EPHB1: variants seen among roughly 807,000 people sequenced by gnomAD.
EPHB1 encodes EPH receptor B1, also known as ephrin type-B receptor 1.
EPHB1 carries 30 observed loss-of-function variants against 94.4 expected under a neutral mutation model. That is an observed-to-expected ratio of 0.32 (90% CI 0.24 to 0.43). The LOEUF (loss-of-function observed/expected upper bound fraction) is 0.43. Among genes scored for constraint, EPHB1 ranks in the 20% least tolerant of loss-of-function variants. EPHB1 has a pLI of 1.00. For missense variants in EPHB1, 1,055 were observed against 1,308.3 expected (o/e 0.81, Z 2.99); for synonymous variants, 522 against 489.1 (o/e 1.07, Z -0.89).
chr3:135,070,323 G>A (rs1157100376), intron 3 of EPHB1, among the ~76,000 whole-genome samples: 1 of 152,168 alleles, frequency 6.6e-6, no homozygotes, highest in Non-Finnish European at 1.5e-5. Flanking sequence ...TGACATTCAG[G>A]GCTGCCTGCA....
chr3:134,937,369 CT>C (rs1241335688), intron 2 of EPHB1, among the ~76,000 whole-genome samples: 1 of 152,262 alleles, frequency 6.6e-6, no homozygotes, highest in Middle Eastern at 3.4e-3. Context: ...CCAGATGTGG[CT>C]TTTTTTCACC....
chr3:134,964,867 G>A (rs879803291), intron 3 of EPHB1, among the ~76,000 whole-genome samples: 1 of 152,138 alleles, frequency 6.6e-6, no homozygotes, highest in Admixed American at 6.5e-5. Context: ...ATGAGTGAAT[G>A]GCTATTTCCA....
intron 3 of EPHB1, among the ~76,000 whole-genome samples, chr3:134,977,384 G>T (rs1934230031): frequency 6.6e-6 from 1 of 152,204 alleles, no homozygotes; most frequent in Non-Finnish European, 1.5e-5. Flanking sequence ...TCTCACTCTA[G>T]AGCCCATGCC....
intron 3 of EPHB1, among the ~76,000 whole-genome samples, chr3:135,091,698 T>C (rs539578953): frequency 1.3e-5 from 2 of 152,240 alleles, no homozygotes; most frequent in South Asian, 4.1e-4. Flanking sequence ...TCGTCAGAGT[T>C]TGGAGAGTAA....
At chr3:134,828,652 C>T (rs146830112) in intron 1 of EPHB1, among the ~76,000 whole-genome samples, 4 of 152,208 alleles carry the variant, frequency 2.6e-5, no homozygotes, top group East Asian at 3.9e-4. Context: ...TGCAGTTGGC[C>T]GGGAGTGACT....
intron 3 of EPHB1, among the ~76,000 whole-genome samples, chr3:135,056,213 G>A (rs1301733758): frequency 1.3e-5 from 2 of 152,214 alleles, no homozygotes; most frequent in Non-Finnish European, 2.9e-5. Flanking sequence ...TAGGGCTGGT[G>A]GCTACCACTG....
At chr3:134,801,499 C>T in intron 1 of EPHB1, among the ~76,000 whole-genome samples, 1 of 152,212 alleles carries the variant, frequency 6.6e-6, no homozygotes, top group East Asian at 1.9e-4. Flanking sequence ...CAGGAGTCTG[C>T]ATTCCTTGGA....
intron 5 of EPHB1, among the ~76,000 whole-genome samples, chr3:135,142,915 T>C (rs1282197126): frequency 2.6e-5 from 4 of 152,050 alleles, no homozygotes; most frequent in African/African-American, 9.7e-5. Context: ...CCAAATGGCA[T>C]TTTTGCAAAG....
rs1941368960 is a variant in EPHB1, at chr3:135,156,753, A to T, written c.1422+2477A>T. Among the ~76,000 whole-genome samples, 3 of 152,252 alleles carry T rather than the reference A, an allele frequency of 2.0e-5. No homozygotes were observed. The South Asian group carries it at 6.2e-4, about 31-fold the overall frequency. ...CCAGCTGAATTCATAAGCATCTGTT[A>T]TATCTGATCCATTTTGGATTTAGGG... On this transcript the variant is annotated intron_variant, in intron 6 of 15. Coordinates refer to ENST00000398015, the MANE Select transcript of EPHB1 (RefSeq NM_004441.5).
At chr3:135,064,026 A>G (rs1288093676) in intron 3 of EPHB1, among the ~76,000 whole-genome samples, 1 of 151,982 alleles carries the variant, frequency 6.6e-6, no homozygotes, top group African/African-American at 2.4e-5. Context: ...AACCATCCCT[A>G]TGTCCCTGGT....
intron 1 of EPHB1, among the ~76,000 whole-genome samples, chr3:134,907,902 C>CCCCTCT (rs1240374997): frequency 3.9e-5 from 6 of 152,308 alleles, no homozygotes; most frequent in African/African-American, 1.4e-4. Context: ...AATGTGGCCT[C>CCCCTCT]CCCTCTCCGG....
chr3:135,115,948 G>A (rs912958566), intron 4 of EPHB1, among the ~76,000 whole-genome samples: 2 of 152,210 alleles, frequency 1.3e-5, no homozygotes, highest in Non-Finnish European at 2.9e-5. Flanking sequence ...AGGCGCAGTG[G>A]CTCACGCCTG....
rs539603063 is a variant in EPHB1 at position 134,806,756 on chromosome 3, C to G, written c.58+11067C>G. ...AATATTGTTAATCTCCTACTATGTA[C>G]CAGGCAGTAGGCACAAAACCAGAAA... is the stretch of plus-strand genomic sequence containing the variant. On this transcript the variant is annotated intron_variant, in intron 1 of 15. Coordinates refer to ENST00000398015, the MANE Select transcript of EPHB1 (RefSeq NM_004441.5). Among the ~76,000 whole-genome samples the G allele has an allele frequency of 7.2e-5, 11 of 152,240 alleles. No individual in the cohort carries two copies. In the East Asian group the frequency reaches 2.1e-3, roughly 29 times the overall value.
chr3:135,173,073 C>T (rs560842804), intron 9 of EPHB1, among the ~76,000 whole-genome samples: 10 of 145,466 alleles, frequency 6.9e-5, no homozygotes, highest in Middle Eastern at 3.6e-3. Context: ...CTCGCTCTGT[C>T]GCCCAGGCTG....
At chr3:135,070,508 C>T (rs1020754265) in intron 3 of EPHB1, among the ~76,000 whole-genome samples, 4 of 152,058 alleles carry the variant, frequency 2.6e-5, no homozygotes, top group Non-Finnish European at 4.4e-5. Context: ...TGAAACTGAG[C>T]GCTGGTGTTT....
intron 7 of EPHB1, among the ~76,000 whole-genome samples, chr3:135,163,555 C>T (rs1209742548): frequency 6.6e-6 from 1 of 152,052 alleles, no homozygotes; most frequent in Non-Finnish European, 1.5e-5. Flanking sequence ...TCTTCTTTTT[C>T]CTTAAGGGCT....
At chr3:134,803,095 G>A (rs1457697364) in intron 1 of EPHB1, among the ~76,000 whole-genome samples, 1 of 152,206 alleles carries the variant, frequency 6.6e-6, no homozygotes, top group Non-Finnish European at 1.5e-5. Context: ...GCTCATGGGA[G>A]GTTCCCCCAG....
At chr3:134,934,963 G>A (rs777649726) in intron 2 of EPHB1, among the ~76,000 whole-genome samples, 8 of 152,198 alleles carry the variant, frequency 5.3e-5, no homozygotes, top group Non-Finnish European at 1.0e-4. Context: ...CCAGACAGGT[G>A]TAGTTCCATG....
chr3:135,181,512 T>C (rs1359010489), intron 10 of EPHB1, among the ~76,000 whole-genome samples: 1 of 152,184 alleles, frequency 6.6e-6, no homozygotes, highest in Non-Finnish European at 1.5e-5. Context: ...CAAAGAGTGT[T>C]GGGGAGGCGG....
Sources: gnomAD v4.1 joint callset for allele counts (sites outside exome capture counted in the v4.1 genomes callset) on GRCh38, gnomAD v4.1.1 for gene constraint, MANE v1.5 for transcripts, NCBI Gene and HGNC (gene_info 2026-07-23, HGNC 2026-07-21) for gene names.